The following DDX42 variants were observed in gnomAD, a reference collection of about 807,000 sequenced individuals.
DDX42 encodes DEAD-box helicase 42.
Under a neutral mutation model 101.5 loss-of-function variants are expected in DDX42, and 22 were observed. The ratio of observed to expected loss-of-function variants is 0.22; its 90% CI spans 0.15 to 0.31. The LOEUF is 0.31. DDX42 is among the 10% of genes least tolerant of loss of function. DDX42 has a pLI of 1.00. For missense variants in DDX42, 849 were observed against 1,199.9 expected, an observed-to-expected ratio of 0.71 and a Z score of 4.32; for synonymous variants, 402 against 401.2, an observed-to-expected ratio of 1.00 and a Z score of -0.02.
At chr17:63,787,306 G>A (rs1467792129) in intron 2 of DDX42, 36 bp downstream of exon 2, 2 of 1,600,730 alleles carry the variant, frequency 1.2e-6, no homozygotes. Context: ...GCAAAGTTTG[G>A]ACTTTGATAT....
At position 63,808,844 on chromosome 17, in the gene DDX42, G is replaced by A; in HGVS notation, c.1048G>A (p.Gly350Arg). Residue 350 changes from glycine to arginine, a missense_variant, in exon 10 of 18, where the codon GGA becomes AGA. Physicochemically the swap from Gly to Arg is moderately radical, Grantham distance 125. This residue lies in a region of DDX42 where 370 missense variants were observed against 608.8 expected (regional missense o/e 0.61). Transcript: ENST00000389924. ...GATCCATGCAGAATGTAAGCGGTTT[G>A]GAAAAGCATATAATCTTCGATCAGT... Reference protein sequence around the residue: ...QQIHAECKRFGKAYNLRSVAV... With the variant: ...QQIHAECKRFRKAYNLRSVAV... The A allele has an allele frequency of 6.2e-7, 1 of 1,613,976 alleles. No individual in the cohort carries two copies. Among genetic ancestry groups the A allele is most frequent in the Non-Finnish European group, 8.5e-7 (1 of 1,179,944 alleles).
chr17:63,815,393 C>CGTAG (rs1427861241), intron 15 of DDX42, among the ~76,000 whole-genome samples, 170 bp from the exon 16 acceptor site: 10 of 152,166 alleles, frequency 6.6e-5, no homozygotes, highest in East Asian at 5.8e-4. Flanking sequence ...GATTATGCTA[C>CGTAG]CAAAGAGAAA....
At chr17:63,813,038 C>G (rs1296749096) in intron 14 of DDX42, among the ~76,000 whole-genome samples, 190 bp from the exon 15 acceptor site, 2 of 151,950 alleles carry the variant, frequency 1.3e-5, no homozygotes, top group Admixed American at 6.6e-5. Context: ...AAATAAAAGT[C>G]CCTTACACTA....
intron 17 of DDX42, chr17:63,817,463 G>A (rs375027062): frequency 2.6e-5 from 13 of 503,948 alleles, no homozygotes; most frequent in Admixed American, 2.0e-4. Flanking sequence ...AGCCAATCAG[G>A]CTATAAAAGT....
intron 3 of DDX42, among the ~76,000 whole-genome samples, chr17:63,794,257 T>C (rs2039665124): frequency 1.3e-5 from 2 of 152,154 alleles, no homozygotes; most frequent in Admixed American, 6.6e-5. Context: ...ACTGTCACTT[T>C]AGATGGCTGG....
chr17:63,778,503 ACTGTGAACTCTGAGTATGG>A (rs2039447807), intron 1 of DDX42, among the ~76,000 whole-genome samples: 1 of 152,186 alleles, frequency 6.6e-6, no homozygotes, highest in Non-Finnish European at 1.5e-5. Context: ...CCTGGGCCAG[ACTGTGAACTCTGAGTATGG>A]CTGCATCTGA....
chr17:63,791,978 C>T (rs1444274419), intron 2 of DDX42, among the ~76,000 whole-genome samples: 2 of 150,496 alleles, frequency 1.3e-5, no homozygotes, highest in African/African-American at 2.5e-5. Context: ...ACCCAGAAGG[C>T]GGGGGTTGCA....
At chr17:63,782,450 A>T (rs927570424) in intron 1 of DDX42, among the ~76,000 whole-genome samples, 3 of 152,106 alleles carry the variant, frequency 2.0e-5, no homozygotes, top group Non-Finnish European at 2.9e-5. Context: ...CAGCTCTCTC[A>T]TAGATACTGA....
chr17:63,809,955 G>T (rs2039889483), intron 11 of DDX42, among the ~76,000 whole-genome samples: 1 of 152,136 alleles, frequency 6.6e-6, no homozygotes, highest in South Asian at 2.1e-4. Flanking sequence ...GTGTTCTTGG[G>T]TAGATGAATG....
chr17:63,803,395 C>T (rs1454742198), intron 6 of DDX42, among the ~76,000 whole-genome samples: 2 of 151,798 alleles, frequency 1.3e-5, no homozygotes, highest in Non-Finnish European at 2.9e-5. Flanking sequence ...TTGAGACCAG[C>T]CTGGCCAACA....
intron 15 of DDX42, among the ~76,000 whole-genome samples, chr17:63,814,413 G>A (rs1420450699): frequency 6.6e-6 from 1 of 152,226 alleles, no homozygotes; most frequent in Non-Finnish European, 1.5e-5. Context: ...CAAGTTTCTG[G>A]TCCTAGGAGT....
At chr17:63,791,701 C>G (rs879300828) in intron 2 of DDX42, among the ~76,000 whole-genome samples, 4 of 152,108 alleles carry the variant, frequency 2.6e-5, no homozygotes, top group Non-Finnish European at 5.9e-5. Flanking sequence ...AAGAATATCT[C>G]AAGTTTTTAT....
rs1332296001 is a variant in DDX42, at chr17:63,813,313, C to A, written c.1761C>A (p.Gly587=). 6.2e-7 allele frequency: 1 copy of A among 1,614,052 alleles called. No individual in the cohort carries two copies. Among genetic ancestry groups the A allele is most frequent in the Non-Finnish European group, 8.5e-7 (1 of 1,180,030 alleles). ...RDIDTHTHRI[G]RTGRAGEKGV... ...TTGATACCCACACGCATAGGATTGG[C>A]CGCACAGGAAGAGCGGGTGAGAAAG... Residue 587 remains glycine (G), a synonymous_variant, in exon 15 of 18, where the codon GGC becomes GGA. Coordinates refer to ENST00000389924, the MANE Select transcript of DDX42 (RefSeq NM_203499.3).
intron 8 of DDX42, among the ~76,000 whole-genome samples, chr17:63,807,204 G>T (rs1417708071): frequency 6.6e-6 from 1 of 152,236 alleles, no homozygotes; most frequent in Non-Finnish European, 1.5e-5. Flanking sequence ...GCAGTGGCGC[G>T]ATCTTGGCTC....
chr17:63,800,950 CCTTT>C (rs1324546923), intron 6 of DDX42, among the ~76,000 whole-genome samples: 3 of 42,900 alleles, frequency 7.0e-5, no homozygotes, highest in South Asian at 9.6e-4. Flanking sequence ...TTCCTTCCTT[CCTTT>C]CTTTCTTTTT....
intron 11 of DDX42, among the ~76,000 whole-genome samples, chr17:63,809,895 C>A (rs1043624783): frequency 6.6e-6 from 1 of 152,106 alleles, no homozygotes; most frequent in South Asian, 2.1e-4. Context: ...GGAATATTTT[C>A]TCTGTCTTCA....
chr17:63,774,228 C>G lies in DDX42; in HGVS notation c.-165C>G, dbSNP rs9913551. 3 of 234,722 alleles carry G rather than the reference C, an allele frequency of 1.3e-5. No individual in the cohort carries two copies. Among genetic ancestry groups the G allele is most frequent in the South Asian group, 9.9e-5 (1 of 10,058 alleles). 14.5% of individuals were successfully genotyped at this position (234,722 alleles called of 1,614,324 possible). The stretch of plus-strand genomic sequence containing the variant: ...GCGGTGGCGGTGGTGGCGGTGGCGG[C>G]GGCGGTGGTGGTGGTGGCGGCGGCG... On this transcript the variant is annotated 5_prime_UTR_variant, in exon 1 of 18. Transcript: ENST00000389924.
chr17:63,784,103 GC>G (rs958376836), intron 1 of DDX42, among the ~76,000 whole-genome samples: 2 of 151,944 alleles, frequency 1.3e-5, no homozygotes, highest in African/African-American at 4.8e-5. Context: ...TTAAAACTAA[GC>G]AAACAACTAA....
At position 63,806,531 on chromosome 17, in the gene DDX42, C is replaced by T; in HGVS notation, c.727-4C>T. On this transcript the variant is annotated splice_polypyrimidine_tract_variant and splice_region_variant and intron_variant, in intron 7 of 17. Transcript: ENST00000389924. ...TCATTCTGGGGAGTTGTCTCTATCT[C>T]TAGGTCTCTGGTGCTGCACCTCCTA... The T allele has an allele frequency of 6.2e-7, 1 of 1,610,230 alleles. No individual in the cohort carries two copies. Among genetic ancestry groups the T allele is most frequent in the Non-Finnish European group, 8.5e-7 (1 of 1,178,502 alleles).
Sources: gnomAD v4.1 joint callset for allele counts (sites outside exome capture counted in the v4.1 genomes callset) on GRCh38, gnomAD v4.1.1 for gene constraint, gnomAD v4.1.1 regional missense constraint, MANE v1.5 for transcripts, NCBI Gene and HGNC (gene_info 2026-07-23, HGNC 2026-07-21) for gene names.